Variants in CD247 observed in about 807,000 individuals in gnomAD.
CD247 encodes the protein T-cell surface glycoprotein CD3 zeta chain.
In CD247, 13 loss-of-function variants were observed where a neutral mutation model predicts 30.0. That is an observed-to-expected ratio of 0.43 (90% CI 0.28 to 0.69). The LOEUF (loss-of-function observed/expected upper bound fraction) is 0.69, where lower values mean the gene tolerates loss of function less well. Ranked by LOEUF, CD247 falls within the 30% of genes least tolerant of loss-of-function variation. The pLI is 0.16. For synonymous variants in CD247, 72 were observed against 80.0 expected (o/e 0.90, Z 0.53); for missense variants, 193 against 212.6 (o/e 0.91, Z 0.57).
chr1:167,511,925 T>C (rs1655404387), intron 1 of CD247, among the ~76,000 whole-genome samples: 1 of 152,166 alleles, frequency 6.6e-6, no homozygotes, highest in Non-Finnish European at 1.5e-5. Context: ...GAGGATCCAG[T>C]AAACAAAGGC....
chr1:167,479,438 C>T (rs1191079443), intron 1 of CD247, among the ~76,000 whole-genome samples: 1 of 152,152 alleles, frequency 6.6e-6, no homozygotes, highest in African/African-American at 2.4e-5. Context: ...GATCTAGTTT[C>T]CCCGACCATG....
At chr1:167,453,781 C>T (rs1256507658) in intron 1 of CD247, among the ~76,000 whole-genome samples, 1 of 152,014 alleles carries the variant, frequency 6.6e-6, no homozygotes, top group Non-Finnish European at 1.5e-5. Context: ...ATAGCAAGAC[C>T]CGTCTCTGCA....
chr1:167,515,405 C>G (rs868869038), intron 1 of CD247, among the ~76,000 whole-genome samples: 1 of 152,142 alleles, frequency 6.6e-6, no homozygotes. Context: ...TGTCTATGAG[C>G]CTTATCTAAG....
intron 1 of CD247, among the ~76,000 whole-genome samples, chr1:167,515,665 C>T (rs1357861873): frequency 6.6e-6 from 1 of 152,226 alleles, no homozygotes; most frequent in Non-Finnish European, 1.5e-5. Flanking sequence ...ACTATCGGGC[C>T]TACCTCTGCA....
intron 1 of CD247, among the ~76,000 whole-genome samples, chr1:167,465,327 C>CTTTTTTTTTTTTTTTTTTT (rs765176193): frequency 2.1e-4 from 24 of 115,336 alleles, no homozygotes; most frequent in Non-Finnish European, 3.1e-4. Flanking sequence ...TTTTCTTTTT[C>CTTTTTTTTTTTTTTTTTTT]TTTTTTTTTT....
At chr1:167,490,017 C>A (rs993355770) in intron 1 of CD247, among the ~76,000 whole-genome samples, 2 of 151,916 alleles carry the variant, frequency 1.3e-5, no homozygotes, top group African/African-American at 4.8e-5. Context: ...CCCCCCACCA[C>A]CCCACCCCTT....
At chr1:167,436,171 C>G (rs2101989842) in intron 4 of CD247, among the ~76,000 whole-genome samples, 1 of 152,308 alleles carries the variant, frequency 6.6e-6, no homozygotes, top group African/African-American at 2.4e-5. Flanking sequence ...CAAACGAAAT[C>G]AATAAACATG....
chr1:167,461,588 G>A (rs10918692), intron 1 of CD247, among the ~76,000 whole-genome samples: 58,351 of 152,048 alleles, frequency 0.38, 11,545 homozygotes, highest in Admixed American at 0.45. Flanking sequence ...GGTGGCTCAC[G>A]CCTGTAATCC....
intron 1 of CD247, among the ~76,000 whole-genome samples, chr1:167,459,143 T>A (rs6427088): frequency 0.95 from 141,640 of 148,784 alleles, 67,559 homozygotes; most frequent in East Asian, 0.99. Flanking sequence ...TCAAAAATTT[T>A]AAAAAAAAAA....
At chr1:167,475,088 C>T (rs923910620) in intron 1 of CD247, among the ~76,000 whole-genome samples, 2 of 152,106 alleles carry the variant, frequency 1.3e-5, no homozygotes, top group Non-Finnish European at 2.9e-5. Context: ...ACATTTATCA[C>T]AACCCTAAAA....
intron 7 of CD247, among the ~76,000 whole-genome samples, chr1:167,432,445 A>T (rs1651316641): frequency 6.6e-6 from 1 of 152,196 alleles, no homozygotes; most frequent in Non-Finnish European, 1.5e-5. Context: ...ACGAGCTATG[A>T]ACAGCCCATG....
At chr1:167,482,386 G>T (rs1207164216) in intron 1 of CD247, among the ~76,000 whole-genome samples, 1 of 152,250 alleles carries the variant, frequency 6.6e-6, no homozygotes, top group African/African-American at 2.4e-5. Flanking sequence ...AGTCAAGGCA[G>T]CTTCTTCAGG....
intron 1 of CD247, 57 bp downstream of exon 1, chr1:167,518,351 C>A: frequency 6.5e-7 from 1 of 1,535,850 alleles, no homozygotes; most frequent in Non-Finnish European, 9.0e-7. Context: ...CACCCACTCC[C>A]CTACACATAC....
rs551374357 is a variant in CD247, at chr1:167,481,819, GC to G, written c.58+36588del. 3.4e-3 allele frequency among the ~76,000 whole-genome samples: 515 copies of G among 152,274 alleles called. 3 individuals carry two copies. Among genetic ancestry groups the G allele is most frequent in the African/African-American group, 0.012 (480 of 41,546 alleles). On this transcript the variant is annotated intron_variant, in intron 1 of 7. Coordinates refer to ENST00000362089, the MANE Select transcript of CD247 (RefSeq NM_198053.3). ...CACTGCATTCAGTTCTGTGAGGGTG[GC>G]CAGGGACTCCTGTCTGCCCCATTTC...
In CD247 at chr1:167,518,451, C is replaced by A. The variant is rs746701386; in HGVS notation, c.15G>T (p.Ala5=). 5.0e-6 allele frequency: 8 copies of A among 1,614,130 alleles called. No individual in the cohort carries two copies. The highest frequency in any genetic ancestry group is 5.9e-6 in the Non-Finnish European group (7 of 1,180,018). Residue 5 remains alanine (A), a synonymous_variant, in exon 1 of 8, where the codon GCG becomes GCT. Transcript: ENST00000362089. ...CCTGCAGGATGGCCGCGGTGAAAAG[C>A]GCCTTCCACTTCATCTTGTCCTTTC... MKWK[A]LFTAAILQAQ... is the part of the protein sequence containing the mutation.
intron 1 of CD247, among the ~76,000 whole-genome samples, chr1:167,471,087 G>A (rs1472868094): frequency 6.6e-6 from 1 of 151,904 alleles, no homozygotes; most frequent in Non-Finnish European, 1.5e-5. Context: ...TAGCTAGGAT[G>A]GTCTTGATTT....
At position 167,431,750 on chromosome 1, in the gene CD247, G is replaced by A. The variant is rs940622833; in HGVS notation, c.430-4C>T. The A allele has an allele frequency of 1.2e-6, 2 of 1,613,902 alleles. No homozygotes were observed. The highest frequency in any genetic ancestry group is 1.3e-5 in the African/African-American group (1 of 75,002). ...CCTTGGTGGCTGTACTGAGACCCTG[G>A]CGTGAAAGCAAATCAGAAAACAAAG... On this transcript the variant is annotated splice_polypyrimidine_tract_variant and splice_region_variant and intron_variant, in intron 7 of 7. Coordinates refer to ENST00000362089, the MANE Select transcript of CD247 (RefSeq NM_198053.3).
chr1:167,453,452 C>T (rs1429893357), intron 1 of CD247, among the ~76,000 whole-genome samples: 1 of 152,164 alleles, frequency 6.6e-6, no homozygotes, highest in Non-Finnish European at 1.5e-5. Flanking sequence ...AATCTACTTT[C>T]GAGCAAACCC....
chr1:167,508,421 C>T (rs61806166), intron 1 of CD247, among the ~76,000 whole-genome samples: 1 of 152,046 alleles, frequency 6.6e-6, no homozygotes. Flanking sequence ...GATGGGTGAG[C>T]GATGGTGGAT....
Sources: gnomAD v4.1 joint callset for allele counts (sites outside exome capture counted in the v4.1 genomes callset) on GRCh38, gnomAD v4.1.1 for gene constraint, MANE v1.5 for transcripts, NCBI Gene and HGNC (gene_info 2026-07-23, HGNC 2026-07-21) for gene names.